The following SAP130 variants were observed in gnomAD, a reference collection of about 807,000 sequenced individuals.
The protein encoded by SAP130 is histone deacetylase complex subunit SAP130.
SAP130 carries 16 observed loss-of-function variants against 103.2 expected under a neutral mutation model. That is an observed-to-expected ratio of 0.16 (90% CI 0.10 to 0.24). SAP130 has a LOEUF of 0.24. Among genes scored for constraint, SAP130 ranks in the 10% least tolerant of loss-of-function variants. The probability of loss-of-function intolerance (pLI) is 1.00; values close to 1 mark genes in which losing one functional copy is unlikely to be tolerated. For missense variants in SAP130, 990 were observed against 1,359.7 expected, an observed-to-expected ratio of 0.73 and a Z score of 4.28; for synonymous variants, 477 against 497.0, an observed-to-expected ratio of 0.96 and a Z score of 0.53.
chr2:127,958,396 A>G (rs1679990279), intron 15 of SAP130, among the ~76,000 whole-genome samples: 1 of 152,378 alleles, frequency 6.6e-6, no homozygotes, highest in African/African-American at 2.4e-5. Context: ...CCTGGGTGAC[A>G]GGGCGAGACT....
rs1553500423 is a variant in SAP130, at chr2:127,947,764, CTG to C, written c.2797+2103_2797+2104del. Among the ~76,000 whole-genome samples, 285 of 143,420 alleles carry C rather than the reference CTG, an allele frequency of 2.0e-3. 3 individuals are homozygous for C. Among genetic ancestry groups the C allele is most frequent in the African/African-American group, 6.9e-3 (263 of 38,172 alleles). 94.1% of individuals were successfully genotyped at this position (143,420 alleles called of 152,430 possible). A position where few individuals can be genotyped will look rare whatever the true frequency, so the allele number is the denominator to read the frequency against. On this transcript the variant is annotated intron_variant, in intron 18 of 20. Transcript: ENST00000643581. ...TGAATTAATTTTGTATTGTGTGTGT[CTG>C]TGTGTGTGTGTGTGTGTGTGTGTGT... is the stretch of plus-strand genomic sequence containing the variant.
At chr2:127,960,977 T>TTTTC (rs556160472) in intron 15 of SAP130, among the ~76,000 whole-genome samples, 10 of 151,890 alleles carry the variant, frequency 6.6e-5, no homozygotes, top group South Asian at 2.1e-4. Flanking sequence ...TACAAATGTT[T>TTTTC]TTTCTTTCTT....
chr2:128,022,016 G>A (rs1427307467), intron 2 of SAP130, among the ~76,000 whole-genome samples: 1 of 152,180 alleles, frequency 6.6e-6, no homozygotes, highest in Non-Finnish European at 1.5e-5. Flanking sequence ...CATTAGATAA[G>A]TGTTCGCAAA....
intron 7 of SAP130, among the ~76,000 whole-genome samples, chr2:128,007,871 T>C (rs778654910): frequency 6.6e-6 from 1 of 152,178 alleles, no homozygotes; most frequent in Non-Finnish European, 1.5e-5. Context: ...CCATTATCTC[T>C]AGCACAGACA....
At chr2:128,005,690 A>G (rs1254316107) in intron 7 of SAP130, among the ~76,000 whole-genome samples, 1 of 148,928 alleles carries the variant, frequency 6.7e-6, no homozygotes, top group Non-Finnish European at 1.5e-5. Context: ...TCTGTTGCCC[A>G]GGCTGGAGCG....
intron 19 of SAP130, among the ~76,000 whole-genome samples, chr2:127,943,262 T>C (rs1277399298): frequency 1.3e-5 from 2 of 152,218 alleles, no homozygotes; most frequent in African/African-American, 4.8e-5. Flanking sequence ...AAAAACTTTA[T>C]GAGGTTGTTG....
rs1457303380 is a variant in SAP130 at position 128,004,414 on chromosome 2, C to G, written c.870-3960G>C. Among the ~76,000 whole-genome samples the G allele has an allele frequency of 3.2e-5, 4 of 123,448 alleles. No homozygotes were observed. In the Admixed American group the frequency reaches 4.3e-4, roughly 13 times the overall value. The allele number at this position is 123,448 out of a possible 152,430, so 81.0% of individuals were successfully genotyped here. A position where few individuals can be genotyped will look rare whatever the true frequency, so the allele number is the denominator to read the frequency against. On this transcript the variant is annotated intron_variant, in intron 7 of 20. Coordinates refer to ENST00000643581, the MANE Select transcript of SAP130 (RefSeq NM_001330301.2). ...AAAGCGATAGATTCTCACTATGTTGCTCAGGCTGGTCTTGAATTCCTAGGC... is the reference window on the plus strand; with the variant it reads ...AAAGCGATAGATTCTCACTATGTTGGTCAGGCTGGTCTTGAATTCCTAGGC...
intron 14 of SAP130, 45 bp from the exon 15 acceptor site, chr2:127,978,134 C>T (rs992372915): frequency 2.8e-6 from 4 of 1,412,682 alleles, no homozygotes; most frequent in Non-Finnish European, 3.9e-6. Context: ...AGTCCAAGGG[C>T]ATTCAAGGCT....
chr2:127,969,178 G>C (rs531818900), intron 15 of SAP130, among the ~76,000 whole-genome samples: 1 of 152,026 alleles, frequency 6.6e-6, no homozygotes, highest in Non-Finnish European at 1.5e-5. Context: ...GGGGGGAGAG[G>C]GAGACATGAA....
chr2:127,945,918 G>T (rs1315479185), intron 18 of SAP130, among the ~76,000 whole-genome samples: 1 of 152,174 alleles, frequency 6.6e-6, no homozygotes, highest in African/African-American at 2.4e-5. Flanking sequence ...CTCCCAAAGT[G>T]TTGGGATTAT....
chr2:127,988,419 C>T (rs1682548856), intron 13 of SAP130, among the ~76,000 whole-genome samples: 1 of 125,606 alleles, frequency 8.0e-6, no homozygotes, highest in Non-Finnish European at 1.6e-5. Flanking sequence ...TGAGTGAGAC[C>T]TTGTCTTTTT....
chr2:128,013,423 C>T (rs1255508582), intron 5 of SAP130, among the ~76,000 whole-genome samples: 1 of 152,186 alleles, frequency 6.6e-6, no homozygotes. Flanking sequence ...GTAAAGCACA[C>T]AGGGAACAGC....
intron 7 of SAP130, among the ~76,000 whole-genome samples, chr2:128,008,468 T>C (rs959238459): frequency 1.3e-5 from 2 of 151,624 alleles, no homozygotes; most frequent in Non-Finnish European, 2.9e-5. Flanking sequence ...TGTGGTCACA[T>C]GATCCTCCCA....
At chr2:128,005,977 A>G (rs1398092277) in intron 7 of SAP130, among the ~76,000 whole-genome samples, 1 of 152,190 alleles carries the variant, frequency 6.6e-6, no homozygotes, top group Non-Finnish European at 1.5e-5. Flanking sequence ...CATGTTTAGA[A>G]CAAAACCATA....
At chr2:127,965,097 C>A (rs1363377682) in intron 15 of SAP130, among the ~76,000 whole-genome samples, 1 of 151,068 alleles carries the variant, frequency 6.6e-6, no homozygotes, top group African/African-American at 2.4e-5. Context: ...GAGATCAAGA[C>A]CATCCTGGCC....
chr2:128,010,727 G>A (rs990877417), intron 6 of SAP130, among the ~76,000 whole-genome samples: 1 of 152,068 alleles, frequency 6.6e-6, no homozygotes, highest in Non-Finnish European at 1.5e-5. Flanking sequence ...AGCCGGGTGT[G>A]GTGGCACGCG....
intron 15 of SAP130, among the ~76,000 whole-genome samples, chr2:127,960,706 C>T (rs1680180230): frequency 6.6e-6 from 1 of 152,114 alleles, no homozygotes; most frequent in Admixed American, 6.6e-5. Context: ...CTTTTTCTAA[C>T]CCATCTACTA....
chr2:127,989,701 G>A lies in SAP130; in HGVS notation c.1643C>T (p.Ala548Val). Residue 548 changes from alanine to valine, a missense_variant, in exon 13 of 21, where the codon GCC becomes GTC. Transcript: ENST00000643581. The surrounding 1 kb of genome is among the most constrained non-coding windows in gnomAD (Gnocchi z 4.6). ...APISTQGIQP[A>V]PIGTPGIQPA... is the part of the protein sequence containing the mutation. The stretch of plus-strand genomic sequence containing the variant: ...CTGTATCCCTGGGGTCCCAATGGGG[G>A]CCGGCTGGATACCCTGGGTACTGAT... 2 of 1,614,190 alleles carry A rather than the reference G, an allele frequency of 1.2e-6. No individual in the cohort carries two copies. The highest frequency in any genetic ancestry group is 2.2e-5 in the South Asian group (2 of 91,092).
chr2:127,950,939 T>C (rs1472384260), intron 16 of SAP130, among the ~76,000 whole-genome samples: 1 of 152,226 alleles, frequency 6.6e-6, no homozygotes, highest in Non-Finnish European at 1.5e-5. Context: ...CCTGAACTGT[T>C]TGCCTCAGGA....
Sources: allele counts gnomAD v4.1 joint callset (sites outside exome capture counted in the v4.1 genomes callset), GRCh38; gene constraint gnomAD v4.1.1; non-coding constraint Gnocchi (gnomAD v3.1); transcripts MANE v1.5; gene names NCBI Gene and HGNC (gene_info 2026-07-23, HGNC 2026-07-21).